B9D2: variants seen among roughly 807,000 people sequenced by gnomAD.
The protein encoded by B9D2 is B9 domain containing 2.
A neutral mutation model predicts 19.2 loss-of-function variants in B9D2; 21 were observed. That is an observed-to-expected ratio of 1.09 (90% CI 0.78 to 1.58). B9D2 has a LOEUF of 1.58. Ranked by LOEUF, B9D2 falls within the 40% of genes most tolerant of loss-of-function variation. The pLI, the probability that B9D2 is intolerant of heterozygous loss-of-function variation, is 0.00. For synonymous variants in B9D2, 91 were observed against 100.6 expected (o/e 0.90, Z 0.57); for missense variants, 221 against 244.3 (o/e 0.90, Z 0.64).
Position 41,354,660 on chromosome 19 carries a change from T to C in B9D2, c.*40A>G. The C allele has an allele frequency of 6.2e-7, 1 of 1,611,236 alleles. No individual in the cohort carries two copies. ...TGCCATCCTCCCCCATCACTGGGTGTCCGGGGTGTGGATGGTGGTGACGTT... is the reference window on the plus strand; with the variant it reads ...TGCCATCCTCCCCCATCACTGGGTGCCCGGGGTGTGGATGGTGGTGACGTT... On this transcript the variant is annotated 3_prime_UTR_variant, in exon 4 of 4. Coordinates refer to ENST00000243578, the MANE Select transcript of B9D2 (RefSeq NM_030578.4).
intron 2 of B9D2, among the ~76,000 whole-genome samples, chr19:41,359,374 C>T (rs2038367497): frequency 2.0e-5 from 3 of 152,026 alleles, no homozygotes; most frequent in Admixed American, 2.0e-4. Flanking sequence ...CGAGACCAGC[C>T]TGGCCAAAAT....
chr19:41,358,128 C>G, intron 2 of B9D2, 106 bp from the exon 3 acceptor site: 1 of 1,507,384 alleles, frequency 6.6e-7, no homozygotes, highest in South Asian at 1.2e-5. Context: ...GTAGGGGTTA[C>G]GAAGCATGGA....
rs1399497501 is a variant in B9D2 at position 41,354,909 on chromosome 19, G to A, written c.319C>T (p.Gln107Ter). 1 of 1,613,454 alleles carries A rather than the reference G, an allele frequency of 6.2e-7. No homozygotes were observed. The highest frequency in any genetic ancestry group is 8.5e-7 in the Non-Finnish European group (1 of 1,179,888). ...CHVPSSPGTH[Q>*]LACPTWRPLG... ...GGCCGCCACGTGGGGCAGGCCAGCT[G>A]GTGGGTGCCCGGGCTACTGGGCACA... Residue 107 changes from glutamine (Q) to a stop codon, truncating the protein, a stop_gained, in exon 4 of 4, where the codon CAG (glutamine) becomes TAG (stop). Transcript: ENST00000243578. LOFTEE classifies it high-confidence loss of function.
chr19:41,360,377 A>G (rs558202483), intron 2 of B9D2, among the ~76,000 whole-genome samples: 1 of 152,112 alleles, frequency 6.6e-6, no homozygotes, highest in Non-Finnish European at 1.5e-5. Flanking sequence ...GGGTCTCACT[A>G]TGTTGCCCAG....
chr19:41,361,383 G>A (rs2038400255), intron 2 of B9D2, among the ~76,000 whole-genome samples: 1 of 152,084 alleles, frequency 6.6e-6, no homozygotes, highest in Non-Finnish European at 1.5e-5. Flanking sequence ...GAAGGTGAGT[G>A]GTCCAACCTG....
rs983206682 is a variant in B9D2, at chr19:41,360,482, C to T, written c.89-2460G>A. ...GTGAGTCACCACACCCAACTGCACTCGTTTATCTGTTTATTTATTTTATTT... is the reference window on the plus strand; with the variant it reads ...GTGAGTCACCACACCCAACTGCACTTGTTTATCTGTTTATTTATTTTATTT... On this transcript the variant is annotated intron_variant, in intron 2 of 3. Coordinates refer to ENST00000243578, the MANE Select transcript of B9D2 (RefSeq NM_030578.4). Among the ~76,000 whole-genome samples the T allele has an allele frequency of 4.6e-5, 7 of 151,790 alleles. 1 individual carries two copies. Among genetic ancestry groups the T allele is most frequent in the Admixed American group, 6.6e-5 (1 of 15,234 alleles).
intron 1 of B9D2, 59 bp from the exon 2 acceptor site, chr19:41,363,582 C>CAG (rs3217387): frequency 2.3e-5 from 35 of 1,499,602 alleles, no homozygotes; most frequent in East Asian, 2.3e-4. Flanking sequence ...CTCCATTTGA[C>CAG]GGGGGGGAAA....
At chr19:41,363,388 G>C (rs751005849) in intron 2 of B9D2, 44 bp downstream of exon 2, 14 of 1,591,032 alleles carry the variant, frequency 8.8e-6, no homozygotes, top group East Asian at 2.2e-5. Context: ...TAGCCTCTAG[G>C]CTAGGGGTCT....
chr19:41,354,422 A>G lies in B9D2; in HGVS notation c.*278T>C. The G allele has an allele frequency of 1.7e-6, 1 of 600,236 alleles. No homozygotes were observed. Among genetic ancestry groups the G allele is most frequent in the South Asian group, 2.0e-5 (1 of 50,632 alleles). The allele number at this position is 600,236 out of a possible 1,614,324, so 37.2% of individuals were successfully genotyped here. ...GAAGGGTCAGGAGGCAGACACCTGT[A>G]AGAATTGCTCTCCTTTACTGAGCAC... On this transcript the variant is annotated 3_prime_UTR_variant, in exon 4 of 4. Coordinates refer to ENST00000243578, the MANE Select transcript of B9D2 (RefSeq NM_030578.4).
At chr19:41,363,042 C>T (rs1020225222) in intron 2 of B9D2, 4 of 254,574 alleles carry the variant, frequency 1.6e-5, no homozygotes, top group Admixed American at 5.0e-5. Flanking sequence ...CGCAGGAGTT[C>T]GAGACCAGCC....
At chr19:41,357,809 C>T (rs2038338733) in intron 3 of B9D2, 88 bp downstream of exon 3, 1 of 1,566,656 alleles carries the variant, frequency 6.4e-7, no homozygotes, top group East Asian at 2.3e-5. Context: ...GGAGCAGGGA[C>T]AGGTCTTGGT....
chr19:41,360,527 C>T (rs959107428), intron 2 of B9D2, among the ~76,000 whole-genome samples: 1 of 151,542 alleles, frequency 6.6e-6, no homozygotes, highest in African/African-American at 2.4e-5. Flanking sequence ...TTTTTTGAGA[C>T]AGACTTTTGC....
At chr19:41,359,174 T>A (rs537874915) in intron 2 of B9D2, among the ~76,000 whole-genome samples, 3 of 151,840 alleles carry the variant, frequency 2.0e-5, no homozygotes, top group Non-Finnish European at 4.4e-5. Flanking sequence ...CTCACGCCTG[T>A]AATCTCAGCA....
chr19:41,363,048 C>G (rs1249416193), intron 2 of B9D2: 1 of 254,376 alleles, frequency 3.9e-6, no homozygotes, highest in Non-Finnish European at 7.9e-6. Context: ...AGTTCGAGAC[C>G]AGCCTGGGCA....
chr19:41,357,156 T>G (rs978886458), intron 3 of B9D2, among the ~76,000 whole-genome samples: 19 of 152,112 alleles, frequency 1.2e-4, no homozygotes, highest in Admixed American at 3.9e-4. Context: ...CTCTCTGACC[T>G]CCCTGACAGA....
chr19:41,357,918 A>C lies in B9D2; in HGVS notation c.193T>G (p.Phe65Val). 1 of 1,614,118 alleles carries C rather than the reference A, an allele frequency of 6.2e-7. No homozygotes were observed. Among genetic ancestry groups the C allele is most frequent in the African/African-American group, 1.3e-5 (1 of 75,040 alleles). ...CCACCTTGAAGACCTTTGGTGGCGA[A>C]GTGCAGGTCGATGGGGTGGGACCAG... ...AYWSHPIDLHFATKGLQGWPR... is the reference protein window; with the variant it reads ...AYWSHPIDLHVATKGLQGWPR... The change falls in exon 3 of 4, where the codon TTC becomes GTC. Residue 65 changes from phenylalanine (F) to valine (V), a missense_variant. Phe to Val is a conservative substitution (Grantham distance 50). Transcript: ENST00000243578.
chr19:41,357,534 G>A (rs1017282931), intron 3 of B9D2, among the ~76,000 whole-genome samples: 1 of 152,034 alleles, frequency 6.6e-6, no homozygotes, highest in African/African-American at 2.4e-5. Context: ...CTTTCAAGCC[G>A]AGGAGCCCTT....
intron 3 of B9D2, among the ~76,000 whole-genome samples, chr19:41,356,851 CA>C (rs59084197): frequency 0.59 from 86,958 of 147,708 alleles, 25,666 homozygotes; most frequent in Non-Finnish European, 0.61. Context: ...ACTCTGTCTC[CA>C]AAAAAAAAAA....
intron 3 of B9D2, among the ~76,000 whole-genome samples, chr19:41,356,240 G>A (rs1480681415): frequency 6.6e-6 from 1 of 152,154 alleles, no homozygotes; most frequent in Non-Finnish European, 1.5e-5. Context: ...CAGGGGGGTT[G>A]GGGAAGGGGA....
Sources: gnomAD v4.1 joint callset for allele counts (sites outside exome capture counted in the v4.1 genomes callset) on GRCh38, gnomAD v4.1.1 for gene constraint, MANE v1.5 for transcripts, NCBI Gene and HGNC (gene_info 2026-07-23, HGNC 2026-07-21) for gene names.